ENTREP2: variants seen among roughly 807,000 people sequenced by gnomAD.
ENTREP2 encodes protein ENTREP2.
the ENTREP2 span, chr15:29,151,827 G>A: frequency 4.5e-6 from 7 of 1,551,310 alleles, no homozygotes; most frequent in East Asian, 2.4e-5. Flanking sequence ...GGGCACACAC[G>A]CTGAAGAGGA....
At chr15:29,168,406 C>T in the ENTREP2 span, among the ~76,000 whole-genome samples, 2 of 152,176 alleles carry the variant, frequency 1.3e-5, no homozygotes, top group African/African-American at 2.4e-5. Flanking sequence ...AGACTCTGTA[C>T]AAAGACTCTT....
chr15:29,198,222 C>G, the ENTREP2 span, among the ~76,000 whole-genome samples: 1 of 152,200 alleles, frequency 6.6e-6, no homozygotes, highest in Non-Finnish European at 1.5e-5. Flanking sequence ...AAGACCTCCA[C>G]AGGCTTCATG....
the ENTREP2 span, among the ~76,000 whole-genome samples, chr15:29,595,290 T>C: frequency 6.6e-6 from 1 of 151,950 alleles, no homozygotes; most frequent in Non-Finnish European, 1.5e-5. Context: ...AGCTTTTGTG[T>C]TTTAGGGTAG....
At chr15:29,322,725 C>T in the ENTREP2 span, among the ~76,000 whole-genome samples, 2 of 152,210 alleles carry the variant, frequency 1.3e-5, no homozygotes, top group African/African-American at 2.4e-5. Context: ...TATGTCTCCT[C>T]CTTTTCACGT....
chr15:29,449,492 G>A, the ENTREP2 span, among the ~76,000 whole-genome samples: 3 of 152,130 alleles, frequency 2.0e-5, no homozygotes, highest in Non-Finnish European at 2.9e-5. Context: ...CTCTGCTTTC[G>A]GAATGTGATG....
the ENTREP2 span, among the ~76,000 whole-genome samples, chr15:29,250,903 A>C: frequency 1.3e-5 from 2 of 152,166 alleles, no homozygotes; most frequent in African/African-American, 4.8e-5. Context: ...AATCTGATCA[A>C]TGTTCTCTAG....
chr15:29,622,500 G>A, the ENTREP2 span, among the ~76,000 whole-genome samples: 239 of 152,140 alleles, frequency 1.6e-3, no homozygotes, highest in African/African-American at 5.6e-3. Flanking sequence ...GAGCCACCAC[G>A]CCCAGCCAAA....
chr15:29,126,419 C>A, the ENTREP2 span: 1 of 1,549,586 alleles, frequency 6.5e-7, no homozygotes, highest in Non-Finnish European at 8.7e-7. Context: ...GCCCACAGGG[C>A]CATCGGGGGA....
the ENTREP2 span, among the ~76,000 whole-genome samples, chr15:29,180,881 A>G: frequency 6.6e-6 from 1 of 151,968 alleles, no homozygotes; most frequent in Non-Finnish European, 1.5e-5. Flanking sequence ...AGGAAGAAAG[A>G]CTGAATTTAG....
chr15:29,207,970 C>T, the ENTREP2 span, among the ~76,000 whole-genome samples: 1 of 152,152 alleles, frequency 6.6e-6, no homozygotes, highest in African/African-American at 2.4e-5. Context: ...CCCCACCTTC[C>T]CTGCCAAGCT....
At chr15:29,417,709 A>AAT in the ENTREP2 span, among the ~76,000 whole-genome samples, 69 of 152,194 alleles carry the variant, frequency 4.5e-4, 1 homozygote, top group Middle Eastern at 0.01. Flanking sequence ...ATGTGGCTGA[A>AAT]ATATATATGT....
the ENTREP2 span, among the ~76,000 whole-genome samples, chr15:29,384,120 T>C: frequency 1.3e-5 from 2 of 152,118 alleles, no homozygotes; most frequent in Admixed American, 1.3e-4. Context: ...CACACCATGT[T>C]CCCATGTCAT....
At chr15:29,425,366 C>A in the ENTREP2 span, among the ~76,000 whole-genome samples, 1 of 152,006 alleles carries the variant, frequency 6.6e-6, no homozygotes, top group African/African-American at 2.4e-5. Flanking sequence ...TCTTCTTTAT[C>A]CTGTTTGGAG....
chr15:29,197,702 G>A, the ENTREP2 span, among the ~76,000 whole-genome samples: 1 of 151,416 alleles, frequency 6.6e-6, no homozygotes. Flanking sequence ...GGATGCGGAG[G>A]TTGCAGTGAG....
chr15:29,503,123 T>C, the ENTREP2 span, among the ~76,000 whole-genome samples: 35 of 152,236 alleles, frequency 2.3e-4, 1 homozygote, highest in East Asian at 6.2e-3. Flanking sequence ...TGAAAAGATA[T>C]GTTCACACAA....
At chr15:29,435,889 C>G in the ENTREP2 span, among the ~76,000 whole-genome samples, 1 of 152,092 alleles carries the variant, frequency 6.6e-6, no homozygotes, top group Non-Finnish European at 1.5e-5. Context: ...GTCCCTCAGG[C>G]CTGGTTGCTC....
the ENTREP2 span, among the ~76,000 whole-genome samples, chr15:29,340,395 G>A: frequency 6.6e-6 from 1 of 152,162 alleles, no homozygotes; most frequent in Non-Finnish European, 1.5e-5. Context: ...GGACGTAGCA[G>A]GGTGTTGAAG....
the ENTREP2 span, among the ~76,000 whole-genome samples, chr15:29,524,516 C>T: frequency 6.6e-6 from 1 of 152,164 alleles, no homozygotes; most frequent in Non-Finnish European, 1.5e-5. Context: ...GGGTTCTTGG[C>T]CTTATGGATT....
chr15:29,532,719 T>C, the ENTREP2 span, among the ~76,000 whole-genome samples: 1 of 152,216 alleles, frequency 6.6e-6, no homozygotes, highest in African/African-American at 2.4e-5. Flanking sequence ...AATGTGGATT[T>C]ATCTGATTTT....
Sources: gnomAD v4.1 joint callset for allele counts (sites outside exome capture counted in the v4.1 genomes callset) on GRCh38, gnomAD v4.1.1 for gene constraint, MANE v1.5 for transcripts, NCBI Gene and HGNC (gene_info 2026-07-23, HGNC 2026-07-21) for gene names.